Variants in ARSB observed in about 807,000 individuals in gnomAD.
ARSB encodes N-acetylgalactosamine-4-sulfatase.
A neutral mutation model predicts 50.9 loss-of-function variants in ARSB; 41 were observed. That is an observed-to-expected ratio of 0.81 (90% CI 0.63 to 1.04). The LOEUF (loss-of-function observed/expected upper bound fraction) is 1.04, where lower values mean the gene tolerates loss of function less well. Ranked by LOEUF, ARSB falls within the 50% of genes least tolerant of loss-of-function variation. The pLI is 0.00. For missense variants in ARSB, 672 were observed against 693.3 expected (o/e 0.97, Z 0.35); for synonymous variants, 269 against 284.8 (o/e 0.94, Z 0.56).
intron 5 of ARSB, among the ~76,000 whole-genome samples, chr5:78,857,120 C>T (rs1166422143): frequency 6.6e-6 from 1 of 152,150 alleles, no homozygotes. Context: ...TAACCTGGGA[C>T]ACAGACACAA....
chr5:78,879,276 G>A (rs1747633573), intron 5 of ARSB, among the ~76,000 whole-genome samples: 1 of 152,100 alleles, frequency 6.6e-6, no homozygotes, highest in Non-Finnish European at 1.5e-5. Flanking sequence ...CAACCTATAG[G>A]CTGATTATTG....
intron 3 of ARSB, among the ~76,000 whole-genome samples, chr5:78,962,128 T>C (rs554247592): frequency 6.6e-6 from 1 of 152,286 alleles, no homozygotes; most frequent in African/African-American, 2.4e-5. Context: ...ATTCTGACTC[T>C]CAATAGCTCT....
Position 78,949,927 on chromosome 5 carries a change from C to CA in ARSB, c.898+5367dup, listed in dbSNP as rs1296467727. On this transcript the variant is annotated intron_variant, in intron 4 of 7. Coordinates refer to ENST00000264914, the MANE Select transcript of ARSB (RefSeq NM_000046.5). ...TCCATCTCAAAAAAAACAAAACAAA[C>CA]AAAAAAAAGAGTTAATATAAATACA... 1.1e-4 allele frequency among the ~76,000 whole-genome samples: 16 copies of CA among 151,740 alleles called. No homozygotes were observed. In the East Asian group the frequency reaches 2.5e-3, roughly 24 times the overall value.
At chr5:78,910,826 G>A (rs1561496434) in intron 4 of ARSB, among the ~76,000 whole-genome samples, 1 of 152,142 alleles carries the variant, frequency 6.6e-6, no homozygotes, top group Non-Finnish European at 1.5e-5. Flanking sequence ...ACAGACTGCT[G>A]GGAACCATCT....
At chr5:78,838,776 A>C (rs193034993) in intron 6 of ARSB, among the ~76,000 whole-genome samples, 20 of 152,316 alleles carry the variant, frequency 1.3e-4, no homozygotes, top group Non-Finnish European at 1.9e-4. Flanking sequence ...GAAGCACTAC[A>C]TGCATGCCTG....
chr5:78,853,035 C>T (rs1745917029), intron 5 of ARSB, among the ~76,000 whole-genome samples: 1 of 152,232 alleles, frequency 6.6e-6, no homozygotes, highest in African/African-American at 2.4e-5. Context: ...GTTTGATAGT[C>T]TGAAGCCTTC....
intron 4 of ARSB, among the ~76,000 whole-genome samples, chr5:78,951,260 G>T (rs1020364180): frequency 6.6e-6 from 1 of 151,938 alleles, no homozygotes; most frequent in Admixed American, 6.6e-5. Context: ...TTCTTCATTG[G>T]TAAATGGGAT....
intron 5 of ARSB, among the ~76,000 whole-genome samples, chr5:78,860,111 T>C (rs1463305874): frequency 1.3e-5 from 2 of 152,188 alleles, no homozygotes; most frequent in African/African-American, 4.8e-5. Flanking sequence ...TGATTTGGGG[T>C]GCAGAGTTCT....
intron 4 of ARSB, among the ~76,000 whole-genome samples, chr5:78,912,425 G>A (rs74867084): frequency 0.12 from 18,409 of 152,188 alleles, 1,414 homozygotes; most frequent in Middle Eastern, 0.18. Flanking sequence ...CTACTTTATG[G>A]GACTCAAAGT....
intron 6 of ARSB, chr5:78,815,865 C>G: frequency 7.3e-7 from 1 of 1,378,450 alleles, no homozygotes; most frequent in African/African-American, 1.5e-5. Flanking sequence ...AAGAAATGAC[C>G]CATCTGTGGT....
At position 78,984,774 on chromosome 5, in the gene ARSB, C is replaced by A. The variant is rs55953431; in HGVS notation, c.312+163G>T. Among the ~76,000 whole-genome samples, 22,213 of 151,952 alleles carry A rather than the reference C, an allele frequency of 0.15. 1,775 individuals are homozygous for A. Among genetic ancestry groups the A allele is most frequent in the South Asian group, 0.2 (986 of 4,830 alleles). ...GCAGAGGCCGCGGCGGGCTGCCGGC[C>A]TGGAAGAGCGAGGTTGGGGCGAGAA... On this transcript the variant is annotated intron_variant, in intron 1 of 7. Transcript: ENST00000264914.
intron 1 of ARSB, among the ~76,000 whole-genome samples, chr5:78,982,719 C>T (rs1216933266): frequency 6.6e-6 from 1 of 152,196 alleles, no homozygotes; most frequent in Non-Finnish European, 1.5e-5. Flanking sequence ...TAGTATCTGA[C>T]GGAGACTCCT....
At chr5:78,828,798 C>T (rs1476704535) in intron 6 of ARSB, among the ~76,000 whole-genome samples, 2 of 152,074 alleles carry the variant, frequency 1.3e-5, no homozygotes, top group African/African-American at 4.8e-5. Flanking sequence ...TGTTAGGTTA[C>T]ACGGCAAAGG....
chr5:78,824,019 CTCCTTGAG>C (rs1744337482), intron 6 of ARSB, among the ~76,000 whole-genome samples: 1 of 152,168 alleles, frequency 6.6e-6, no homozygotes, highest in Non-Finnish European at 1.5e-5. Context: ...GCTTGATGCC[CTCCTTGAG>C]TCTTGTTCTG....
At chr5:78,861,933 C>G (rs1200895691) in intron 5 of ARSB, among the ~76,000 whole-genome samples, 1 of 152,148 alleles carries the variant, frequency 6.6e-6, no homozygotes, top group Non-Finnish European at 1.5e-5. Context: ...GATACAAAAT[C>G]AATGTGCAAA....
At position 78,985,165 on chromosome 5, in the gene ARSB, C is replaced by T. The variant is rs754324013; in HGVS notation, c.84G>A (p.Leu28=). The T allele has an allele frequency of 2.8e-6, 4 of 1,443,154 alleles. No individual in the cohort carries two copies. The African/African-American group carries it at 4.4e-5, about 16-fold the overall frequency. The allele number at this position is 1,443,154 out of a possible 1,614,324, so 89.4% of individuals were successfully genotyped here. The change falls in exon 1 of 8, where the codon CTG becomes CTA. Residue 28 remains leucine (L), a synonymous_variant. Coordinates refer to ENST00000264914, the MANE Select transcript of ARSB (RefSeq NM_000046.5). ...LLLPVVLPLL[L]LLLLAPPGSG... is the part of the protein sequence containing the mutation. ...AGCCCGGCGGCGCCAACAACAGCAG[C>T]AGCAGCAGCGGGAGGACGACGGGGA...
chr5:78,858,061 G>C (rs776245106), intron 5 of ARSB, among the ~76,000 whole-genome samples: 7 of 152,120 alleles, frequency 4.6e-5, no homozygotes, highest in African/African-American at 7.2e-5. Context: ...TGACAGGACT[G>C]GGTTTGGAGC....
chr5:78,969,548 A>C (rs1353377100), intron 1 of ARSB, among the ~76,000 whole-genome samples: 1 of 152,248 alleles, frequency 6.6e-6, no homozygotes, highest in Non-Finnish European at 1.5e-5. Context: ...GCACACAAGA[A>C]GTTGGTGTTT....
intron 5 of ARSB, among the ~76,000 whole-genome samples, chr5:78,847,643 T>C (rs1053877307): frequency 1.3e-5 from 2 of 152,210 alleles, no homozygotes; most frequent in Non-Finnish European, 2.9e-5. Flanking sequence ...GAATTTTTAT[T>C]AGTTCTTTAA....
Sources: gnomAD v4.1 joint callset for allele counts (sites outside exome capture counted in the v4.1 genomes callset) on GRCh38, gnomAD v4.1.1 for gene constraint, MANE v1.5 for transcripts, NCBI Gene and HGNC (gene_info 2026-07-23, HGNC 2026-07-21) for gene names.